The following CADPS2 variants were observed in gnomAD, a reference collection of about 807,000 sequenced individuals.
CADPS2 encodes calcium-dependent secretion activator 2.
Under a neutral mutation model 172.5 loss-of-function variants are expected in CADPS2, and 93 were observed. The ratio of observed to expected loss-of-function variants is 0.54; its 90% CI spans 0.46 to 0.64. CADPS2 has a LOEUF of 0.64. CADPS2 is among the 30% of genes least tolerant of loss of function. The pLI is 0.00. For synonymous variants in CADPS2, 546 were observed against 555.2 expected, an observed-to-expected ratio of 0.98 and a Z score of 0.23; for missense variants, 1,420 against 1,565.9, an observed-to-expected ratio of 0.91 and a Z score of 1.57.
At chr7:122,558,496 A>G (rs949694126) in intron 7 of CADPS2, among the ~76,000 whole-genome samples, 3 of 152,144 alleles carry the variant, frequency 2.0e-5, no homozygotes, top group African/African-American at 4.8e-5. Flanking sequence ...TCTTGTCAGC[A>G]TGGCACAAAA....
At chr7:122,349,723 G>A (rs2038239265) in intron 27 of CADPS2, among the ~76,000 whole-genome samples, 1 of 152,148 alleles carries the variant, frequency 6.6e-6, no homozygotes. Context: ...TTAATCACTA[G>A]TTAACCTAGT....
intron 9 of CADPS2, among the ~76,000 whole-genome samples, chr7:122,510,113 C>A (rs773625511): frequency 1.3e-5 from 2 of 152,002 alleles, no homozygotes; most frequent in Non-Finnish European, 2.9e-5. Context: ...GTACTTTACA[C>A]CAATGATATC....
intron 1 of CADPS2, among the ~76,000 whole-genome samples, chr7:122,788,329 T>C (rs920060645): frequency 2.0e-5 from 3 of 152,178 alleles, no homozygotes; most frequent in Admixed American, 6.5e-5. Context: ...TAAGTTACTC[T>C]GACACAAAGA....
chr7:122,611,099 C>A (rs540938179), intron 6 of CADPS2, among the ~76,000 whole-genome samples: 1 of 152,144 alleles, frequency 6.6e-6, no homozygotes, highest in South Asian at 2.1e-4. Flanking sequence ...CTGCAATTGC[C>A]TATTTTAAGA....
chr7:122,452,291 G>GT (rs1471035667), intron 14 of CADPS2, among the ~76,000 whole-genome samples: 1 of 152,184 alleles, frequency 6.6e-6, no homozygotes, highest in Non-Finnish European at 1.5e-5. Flanking sequence ...GGGAAAAAAA[G>GT]TATGAATCTC....
intron 16 of CADPS2, among the ~76,000 whole-genome samples, chr7:122,439,079 C>T (rs2151948172): frequency 6.6e-6 from 1 of 152,172 alleles, no homozygotes; most frequent in South Asian, 2.1e-4. Flanking sequence ...TGTTAAAATA[C>T]ATAAAAACTT....
At chr7:122,441,971 T>C (rs2051414245) in intron 15 of CADPS2, among the ~76,000 whole-genome samples, 1 of 152,176 alleles carries the variant, frequency 6.6e-6, no homozygotes, top group Non-Finnish European at 1.5e-5. Context: ...CTACTTGTGG[T>C]TTAGGGTGGC....
At chr7:122,720,439 T>TAC (rs1318540140) in intron 2 of CADPS2, among the ~76,000 whole-genome samples, 1 of 151,026 alleles carries the variant, frequency 6.6e-6, no homozygotes, top group Non-Finnish European at 1.5e-5. Flanking sequence ...TATACATATA[T>TAC]ATGTATACAT....
At position 122,702,036 on chromosome 7, in the gene CADPS2, G is replaced by A. The variant is rs187667058; in HGVS notation, c.453+34919C>T. ...CCTTCTTTGAGAACTCGCAGTTGAA[G>A]CTGGTCAATAGCTTTCTTCACATCT... On this transcript the variant is annotated intron_variant, in intron 2 of 29. Coordinates refer to ENST00000449022, the MANE Select transcript of CADPS2 (RefSeq NM_017954.11). 471 of 1,613,610 alleles carry A rather than the reference G, an allele frequency of 2.9e-4. 5 individuals carry two copies. In the East Asian group the frequency reaches 6.1e-3, roughly 21 times the overall value.
intron 9 of CADPS2, 118 bp from the exon 10 acceptor site, chr7:122,491,538 A>G: frequency 1.8e-6 from 1 of 561,268 alleles, no homozygotes; most frequent in Non-Finnish European, 3.1e-6. Flanking sequence ...TTGCACATAA[A>G]TTATTAAATT....
chr7:122,331,573 A>T (rs2034956868), intron 28 of CADPS2, among the ~76,000 whole-genome samples: 1 of 152,350 alleles, frequency 6.6e-6, no homozygotes, highest in East Asian at 1.9e-4. Flanking sequence ...TGGGAGGTGG[A>T]GGTTGCAGTG....
At chr7:122,494,375 G>T (rs768246530) in intron 9 of CADPS2, among the ~76,000 whole-genome samples, 1 of 152,120 alleles carries the variant, frequency 6.6e-6, no homozygotes, top group Non-Finnish European at 1.5e-5. Flanking sequence ...CATATAAGCG[G>T]TTTGGTTAAA....
intron 3 of CADPS2, among the ~76,000 whole-genome samples, chr7:122,636,475 T>C (rs1199135712): frequency 1.4e-5 from 2 of 147,862 alleles, no homozygotes; most frequent in East Asian, 4.0e-4. Context: ...TTTTTTTTTT[T>C]TTTTTTTTGA....
intron 12 of CADPS2, among the ~76,000 whole-genome samples, chr7:122,478,033 A>T (rs1047439611): frequency 3.3e-5 from 5 of 152,196 alleles, no homozygotes; most frequent in African/African-American, 1.2e-4. Context: ...ATTTTTATAA[A>T]GATATATTTT....
At position 122,380,902 on chromosome 7, in the gene CADPS2, C is replaced by T. The variant is rs375183393; in HGVS notation, c.3313-1460G>A. 6.1e-4 allele frequency among the ~76,000 whole-genome samples: 93 copies of T among 151,838 alleles called. No individual in the cohort carries two copies. In the South Asian group the frequency reaches 7.9e-3, roughly 13 times the overall value. On this transcript the variant is annotated intron_variant, in intron 24 of 29. Coordinates refer to ENST00000449022, the MANE Select transcript of CADPS2 (RefSeq NM_017954.11). ...CCAGTAGTGCTGATATTTTTGCTTT[C>T]GAGATAGCTTGAAGAGAAGGAAAAC...
intron 6 of CADPS2, among the ~76,000 whole-genome samples, chr7:122,602,241 G>C (rs942325551): frequency 2.6e-5 from 4 of 151,912 alleles, no homozygotes; most frequent in Admixed American, 2.0e-4. Context: ...TACCTCATTT[G>C]AATGTGTGAG....
chr7:122,745,735 C>T (rs1383445743), intron 1 of CADPS2, among the ~76,000 whole-genome samples: 1 of 151,446 alleles, frequency 6.6e-6, no homozygotes, highest in Non-Finnish European at 1.5e-5. Flanking sequence ...TGCTATGAAA[C>T]TATTCCCTAC....
chr7:122,361,245 TTAAA>T (rs2040096714), intron 25 of CADPS2, among the ~76,000 whole-genome samples: 2 of 139,682 alleles, frequency 1.4e-5, no homozygotes, highest in Non-Finnish European at 3.1e-5. Flanking sequence ...TTTTTTTTTT[TTAAA>T]ATGAGATGGA....
chr7:122,487,479 C>T (rs1284338197), intron 11 of CADPS2, among the ~76,000 whole-genome samples: 1 of 151,884 alleles, frequency 6.6e-6, no homozygotes, highest in Admixed American at 6.6e-5. Context: ...ACAAATTAGG[C>T]AAGGTATGTG....
Sources: gnomAD v4.1 joint callset for allele counts (sites outside exome capture counted in the v4.1 genomes callset) on GRCh38, gnomAD v4.1.1 for gene constraint, MANE v1.5 for transcripts, NCBI Gene and HGNC (gene_info 2026-07-23, HGNC 2026-07-21) for gene names.